Variants in AZI2 observed in about 807,000 individuals in gnomAD.
AZI2 encodes 5-azacytidine induced 2.
Under a neutral mutation model 45.8 loss-of-function variants are expected in AZI2, and 22 were observed. The observed-to-expected ratio is 0.48, with a 90% confidence interval of 0.34 to 0.69. The LOEUF is 0.69. Ranked by LOEUF, AZI2 falls within the 30% of genes least tolerant of loss-of-function variation. The pLI is 0.01. For missense variants in AZI2, 417 were observed against 441.5 expected, an observed-to-expected ratio of 0.94 and a Z score of 0.50; for synonymous variants, 137 against 156.7, an observed-to-expected ratio of 0.87 and a Z score of 0.94.
intron 1 of AZI2, among the ~76,000 whole-genome samples, chr3:28,346,079 A>G (rs550932537): frequency 5.3e-5 from 8 of 152,246 alleles, no homozygotes; most frequent in African/African-American, 1.7e-4. Flanking sequence ...ATGTGAACCT[A>G]AGTAAGCTGT....
At chr3:28,344,821 T>C (rs1206833594) in intron 1 of AZI2, among the ~76,000 whole-genome samples, 3 of 148,342 alleles carry the variant, frequency 2.0e-5, no homozygotes, top group Non-Finnish European at 4.6e-5. Context: ...AGCAGAATAT[T>C]GTTATCAAAA....
At chr3:28,327,899 G>A (rs558956589) in intron 6 of AZI2, among the ~76,000 whole-genome samples, 183 of 150,392 alleles carry the variant, frequency 1.2e-3, no homozygotes, top group Non-Finnish European at 2.2e-3. Flanking sequence ...AATTTTAATA[G>A]TACAGAAATC....
intron 1 of AZI2, among the ~76,000 whole-genome samples, chr3:28,347,079 T>C (rs1704269085): frequency 6.6e-6 from 1 of 152,286 alleles, no homozygotes; most frequent in Non-Finnish European, 1.5e-5. Flanking sequence ...ATACCTCTAA[T>C]GCAACTAAGC....
In AZI2 at chr3:28,322,404, G is replaced by C. The variant is rs1703213013; in HGVS notation, c.*1638C>G. ...TTTAATTAAACAATTTCTTGGTATT[G>C]TTCAAAACATTAATCAAGCAATTAT... On this transcript the variant is annotated 3_prime_UTR_variant, in exon 8 of 8. Coordinates refer to ENST00000479665, the MANE Select transcript of AZI2 (RefSeq NM_022461.5). 6.6e-6 allele frequency: 1 copy of C among 151,452 alleles called. No homozygotes were observed. The highest frequency in any genetic ancestry group is 2.4e-5 in the African/African-American group (1 of 41,280). The allele number at this position is 151,452 out of a possible 1,614,324, so 9.4% of individuals were successfully genotyped here. A position where few individuals can be genotyped will look rare whatever the true frequency, so the allele number is the denominator to read the frequency against.
intron 6 of AZI2, among the ~76,000 whole-genome samples, chr3:28,328,813 A>G (rs1703478653): frequency 6.6e-6 from 1 of 151,324 alleles, no homozygotes; most frequent in Non-Finnish European, 1.5e-5. Flanking sequence ...TAAAAGTGCT[A>G]CAATCTTCAA....
At chr3:28,336,705 C>T in intron 5 of AZI2, 32 bp downstream of exon 5, 1 of 1,594,232 alleles carries the variant, frequency 6.3e-7, no homozygotes, top group Non-Finnish European at 8.6e-7. Context: ...ACAAAAAATA[C>T]TGAAATTCTC....
chr3:28,338,557 G>C lies in AZI2; in HGVS notation c.275C>G (p.Ala92Gly). The change falls in exon 3 of 8, where the codon GCC (alanine) becomes GGC (glycine). Residue 92 changes from alanine to glycine, a missense_variant. Physicochemically the swap from Ala to Gly is moderately conservative, Grantham distance 60 (BLOSUM62 0). Coordinates refer to ENST00000479665, the MANE Select transcript of AZI2 (RefSeq NM_022461.5). ...SSVGREQVNK[A>G]YHAYREVCID... ...GCAAACCTCTCGATATGCATGATAG[G>C]CCTTATTTACTTGTTCTCGTCCCAC... 6.2e-7 allele frequency: 1 copy of C among 1,609,144 alleles called. No homozygotes were observed. The highest frequency in any genetic ancestry group is 8.5e-7 in the Non-Finnish European group (1 of 1,177,006).
At chr3:28,326,119 T>A (rs990336793) in intron 7 of AZI2, among the ~76,000 whole-genome samples, 2 of 151,108 alleles carry the variant, frequency 1.3e-5, no homozygotes, top group African/African-American at 4.8e-5. Flanking sequence ...CAAATTTGTA[T>A]CACACAACTT....
rs1703855795 is a variant in AZI2, at chr3:28,337,887, G to A, written c.439+50C>T. Reference sequence around the variant, plus strand: ...AAACTGTTGATATTACAAATAAATGGAAAAATATGTTAATTCTGTTAGAAT... The same window carrying A: ...AAACTGTTGATATTACAAATAAATGAAAAAATATGTTAATTCTGTTAGAAT... On this transcript the variant is annotated intron_variant, in intron 4 of 7. Coordinates refer to ENST00000479665, the MANE Select transcript of AZI2 (RefSeq NM_022461.5). The A allele has an allele frequency of 5.0e-6, 6 of 1,210,910 alleles. No homozygotes were observed. The East Asian group carries it at 1.3e-4, about 26-fold the overall frequency. 75.0% of individuals were successfully genotyped at this position (1,210,910 alleles called of 1,614,324 possible). A position where few individuals can be genotyped will look rare whatever the true frequency, so the allele number is the denominator to read the frequency against.
In AZI2 at chr3:28,338,083, C is replaced by G. The variant is rs1004338728; in HGVS notation, c.340-47G>C. 3 of 1,110,294 alleles carry G rather than the reference C, an allele frequency of 2.7e-6. No homozygotes were observed. In the African/African-American group the frequency reaches 4.8e-5, roughly 18 times the overall value. The allele number at this position is 1,110,294 out of a possible 1,614,324, so 68.8% of individuals were successfully genotyped here. ...CAAATTACATTCAATAAAATCTACACGTTGGTATATTGTAATTTTCAGGAA... is the reference window on the plus strand; with the variant it reads ...CAAATTACATTCAATAAAATCTACAGGTTGGTATATTGTAATTTTCAGGAA... On this transcript the variant is annotated intron_variant, in intron 3 of 7. Transcript: ENST00000479665.
At chr3:28,348,296 G>GA (rs1250732496) in intron 1 of AZI2, 4 of 151,646 alleles carry the variant, frequency 2.6e-5, no homozygotes, top group Non-Finnish European at 4.4e-5. Flanking sequence ...CTCAATGAAT[G>GA]AAAAAAAACT....
Position 28,321,415 on chromosome 3 carries a change from CCAGAT to C in AZI2, c.*2622_*2626del, listed in dbSNP as rs1330655854. On this transcript the variant is annotated 3_prime_UTR_variant, in exon 8 of 8. Transcript: ENST00000479665. ...GTACATGTTGCTTTCCCCATAGAAG[CCAGAT>C]TAGATTACACAGTATAAATAATATG... is the stretch of plus-strand genomic sequence containing the variant. 5 of 151,348 alleles carry C rather than the reference CCAGAT, an allele frequency of 3.3e-5. No homozygotes were observed. Among genetic ancestry groups the C allele is most frequent in the African/African-American group, 1.2e-4 (5 of 41,312 alleles). 9.4% of individuals were successfully genotyped at this position (151,348 alleles called of 1,614,324 possible).
chr3:28,340,623 C>G lies in AZI2; in HGVS notation c.-5-1G>C. 1 of 1,585,144 alleles carries G rather than the reference C, an allele frequency of 6.3e-7. No individual in the cohort carries two copies. Among genetic ancestry groups the G allele is most frequent in the Non-Finnish European group, 8.6e-7 (1 of 1,167,882 alleles). On this transcript the variant is annotated splice_acceptor_variant, in intron 1 of 7. Coordinates refer to ENST00000479665, the MANE Select transcript of AZI2 (RefSeq NM_022461.5). LOFTEE classifies it low-confidence loss of function (5UTR_SPLICE). ...TCTTCTACCAGTGCATCCATGACAACTGTTTAAAAGAAAAAAAATATGAGT... is the reference window on the plus strand; with the variant it reads ...TCTTCTACCAGTGCATCCATGACAAGTGTTTAAAAGAAAAAAAATATGAGT...
At chr3:28,345,123 T>A (rs1704174109) in intron 1 of AZI2, among the ~76,000 whole-genome samples, 1 of 152,138 alleles carries the variant, frequency 6.6e-6, no homozygotes, top group African/African-American at 2.4e-5. Context: ...TAGCTTCCAC[T>A]GCAGATCTAT....
At chr3:28,329,691 A>G (rs1329979614) in intron 6 of AZI2, among the ~76,000 whole-genome samples, 1 of 151,262 alleles carries the variant, frequency 6.6e-6, no homozygotes, top group African/African-American at 2.4e-5. Flanking sequence ...TACATCCTCC[A>G]TCATCACAGT....
chr3:28,321,723 T>C lies in AZI2; in HGVS notation c.*2319A>G, dbSNP rs1304683496. 2 of 151,350 alleles carry C rather than the reference T, an allele frequency of 1.3e-5. No individual in the cohort carries two copies. The highest frequency in any genetic ancestry group is 1.3e-4 in the Admixed American group (2 of 15,116). The allele number at this position is 151,350 out of a possible 1,614,324, so 9.4% of individuals were successfully genotyped here. On this transcript the variant is annotated 3_prime_UTR_variant, in exon 8 of 8. Coordinates refer to ENST00000479665, the MANE Select transcript of AZI2 (RefSeq NM_022461.5). ...TCAAGTCTGAATTTTCCCATTTATT[T>C]TGGTTTTCTAATGTTTCACATAGGC...
At chr3:28,333,849 T>G (rs912468602) in intron 5 of AZI2, among the ~76,000 whole-genome samples, 2 of 151,626 alleles carry the variant, frequency 1.3e-5, no homozygotes, top group African/African-American at 4.8e-5. Context: ...TTATATAGGT[T>G]TCTATACTAT....
At chr3:28,330,065 A>G (rs1181352989) in intron 6 of AZI2, among the ~76,000 whole-genome samples, 2 of 151,278 alleles carry the variant, frequency 1.3e-5, no homozygotes, top group Non-Finnish European at 3.0e-5. Context: ...ACACAGTTCC[A>G]CAATGTAAGT....
At position 28,332,426 on chromosome 3, in the gene AZI2, T is replaced by A. The variant is rs1246271946; in HGVS notation, c.590A>T (p.Asp197Val). ...CTTCAGATTGTCTTCCTGATATGGA[T>A]CCTGTCATTTGTTTAAAAAAAAGAA... ...KIELQKAKQT[D>V]PYQEDNLKSR... Residue 197 changes from aspartate to valine, a missense_variant and splice_region_variant, in exon 6 of 8, where the codon GAT becomes GTT. Transcript: ENST00000479665. 2 of 1,607,124 alleles carry A rather than the reference T, an allele frequency of 1.2e-6. No individual in the cohort carries two copies. Among genetic ancestry groups the A allele is most frequent in the Non-Finnish European group, 1.7e-6 (2 of 1,175,448 alleles).
Sources: allele counts gnomAD v4.1 joint callset (sites outside exome capture counted in the v4.1 genomes callset), GRCh38; gene constraint gnomAD v4.1.1; transcripts MANE v1.5; gene names NCBI Gene and HGNC (gene_info 2026-07-23, HGNC 2026-07-21).